The following CRIM1 variants were observed in gnomAD, a reference collection of about 807,000 sequenced individuals.
The protein encoded by CRIM1 is cysteine-rich motor neuron 1 protein.
In CRIM1, 32 loss-of-function variants were observed where a neutral mutation model predicts 116.4. The observed-to-expected ratio is 0.27, with a 90% CI of 0.21 to 0.37. CRIM1 has a LOEUF of 0.37. Among genes scored for constraint, CRIM1 ranks in the 10% least tolerant of loss-of-function variants. The probability of loss-of-function intolerance (pLI) is 1.00; values close to 1 mark genes in which losing one functional copy is unlikely to be tolerated. For missense variants in CRIM1, 1,331 were observed against 1,354.8 expected, an observed-to-expected ratio of 0.98 and a Z score of 0.28; for synonymous variants, 590 against 509.2, an observed-to-expected ratio of 1.16 and a Z score of -2.13.
At chr2:36,465,421 A>C (rs1677929708) in intron 5 of CRIM1, among the ~76,000 whole-genome samples, 1 of 152,244 alleles carries the variant, frequency 6.6e-6, no homozygotes, top group Non-Finnish European at 1.5e-5. Context: ...TCAGAGCATT[A>C]TTTAGTCAAT....
At chr2:36,504,046 T>C (rs1476820792) in intron 8 of CRIM1, among the ~76,000 whole-genome samples, 1 of 152,094 alleles carries the variant, frequency 6.6e-6, no homozygotes, top group Admixed American at 6.6e-5. Flanking sequence ...ATTTTTTTTG[T>C]ATTTTTTTGT....
At chr2:36,528,892 G>A (rs1665931251) in intron 13 of CRIM1, among the ~76,000 whole-genome samples, 1 of 152,134 alleles carries the variant, frequency 6.6e-6, no homozygotes, top group Non-Finnish European at 1.5e-5. Context: ...TATGCCCTAG[G>A]AAGCAACTGA....
chr2:36,390,872 C>T (rs1475327343), intron 1 of CRIM1, among the ~76,000 whole-genome samples: 4 of 150,890 alleles, frequency 2.7e-5, no homozygotes, highest in African/African-American at 9.8e-5. Flanking sequence ...TGCAGTGGTG[C>T]GATTTTGGCT....
intron 8 of CRIM1, among the ~76,000 whole-genome samples, chr2:36,507,576 C>A (rs1047141711): frequency 6.6e-6 from 1 of 152,186 alleles, no homozygotes; most frequent in Admixed American, 6.5e-5. Context: ...GCATAACATG[C>A]AGGAGAATGG....
At chr2:36,368,256 G>C (rs1418218343) in intron 1 of CRIM1, among the ~76,000 whole-genome samples, 1 of 152,246 alleles carries the variant, frequency 6.6e-6, no homozygotes, top group Non-Finnish European at 1.5e-5. Context: ...GATGATTCCT[G>C]CAGAGGGACA....
At chr2:36,485,241 C>T (rs1475872940) in intron 7 of CRIM1, among the ~76,000 whole-genome samples, 1 of 152,120 alleles carries the variant, frequency 6.6e-6, no homozygotes, top group Non-Finnish European at 1.5e-5. Flanking sequence ...TTCTTCCTGC[C>T]ACCTGGCTTT....
At chr2:36,470,452 C>G (rs1374486401) in intron 5 of CRIM1, among the ~76,000 whole-genome samples, 1 of 152,114 alleles carries the variant, frequency 6.6e-6, no homozygotes, top group East Asian at 1.9e-4. Flanking sequence ...AAAGAATAGG[C>G]TGATTCTTAT....
intron 5 of CRIM1, among the ~76,000 whole-genome samples, chr2:36,468,184 A>G (rs1678198670): frequency 6.6e-6 from 1 of 152,166 alleles, no homozygotes; most frequent in Non-Finnish European, 1.5e-5. Flanking sequence ...GAAATGGATT[A>G]TGCACTGCCG....
At chr2:36,411,228 A>T (rs1207837566) in intron 2 of CRIM1, among the ~76,000 whole-genome samples, 1 of 152,158 alleles carries the variant, frequency 6.6e-6, no homozygotes, top group African/African-American at 2.4e-5. Context: ...TTTTTCAAAT[A>T]CAATTATTAT....
At chr2:36,528,593 G>A (rs1331342437) in intron 13 of CRIM1, among the ~76,000 whole-genome samples, 1 of 152,182 alleles carries the variant, frequency 6.6e-6, no homozygotes, top group Non-Finnish European at 1.5e-5. Context: ...TCATCAGGGC[G>A]CACCCTCATA....
At chr2:36,463,816 C>G (rs1253741712) in intron 4 of CRIM1, among the ~76,000 whole-genome samples, 2 of 152,174 alleles carry the variant, frequency 1.3e-5, no homozygotes, top group African/African-American at 2.4e-5. Context: ...TTCATGCGTG[C>G]AGAGAGATCG....
chr2:36,440,954 C>T (rs565535868), intron 2 of CRIM1, among the ~76,000 whole-genome samples: 9 of 152,316 alleles, frequency 5.9e-5, no homozygotes, highest in African/African-American at 1.7e-4. Context: ...AGATTCTCCA[C>T]GCCATGGGTG....
At chr2:36,508,364 C>T (rs1330578626) in intron 8 of CRIM1, among the ~76,000 whole-genome samples, 1 of 152,142 alleles carries the variant, frequency 6.6e-6, no homozygotes, top group Non-Finnish European at 1.5e-5. Context: ...TTATGTAAAA[C>T]ACGGACCCAT....
chr2:36,358,475 T>C (rs1669003560), intron 1 of CRIM1, among the ~76,000 whole-genome samples: 1 of 152,204 alleles, frequency 6.6e-6, no homozygotes, highest in Non-Finnish European at 1.5e-5. Context: ...AGTCTGTTTC[T>C]GGTGAAGGAA....
chr2:36,547,195 T>G (rs1183428041), intron 16 of CRIM1, 24 bp downstream of exon 16: 1 of 1,574,334 alleles, frequency 6.4e-7, no homozygotes, highest in Non-Finnish European at 8.7e-7. Context: ...AAAGTTAGTC[T>G]CTTGAATGAT....
At chr2:36,447,596 G>A (rs1423832383) in intron 4 of CRIM1, among the ~76,000 whole-genome samples, 1 of 152,200 alleles carries the variant, frequency 6.6e-6, no homozygotes, top group Non-Finnish European at 1.5e-5. Context: ...AGAAGCAGGA[G>A]AGGAAGTTGC....
At chr2:36,400,507 T>A (rs4670554) in intron 2 of CRIM1, among the ~76,000 whole-genome samples, 111,261 of 151,988 alleles carry the variant, frequency 0.73, 41,783 homozygotes, top group East Asian at 0.99. Flanking sequence ...ACCTAATTGC[T>A]TATGCTTCAA....
At chr2:36,462,151 G>A (rs1677629349) in intron 4 of CRIM1, among the ~76,000 whole-genome samples, 1 of 152,164 alleles carries the variant, frequency 6.6e-6, no homozygotes, top group African/African-American at 2.4e-5. Flanking sequence ...TTAATAGGTG[G>A]TTGGGTGCAA....
At chr2:36,535,736 A>C (rs148659238) in intron 13 of CRIM1, among the ~76,000 whole-genome samples, 362 of 152,342 alleles carry the variant, frequency 2.4e-3, no homozygotes, top group African/African-American at 8.3e-3. Flanking sequence ...TATTAGTGCC[A>C]TTTATAAAGG....
Sources: gnomAD v4.1 joint callset for allele counts (sites outside exome capture counted in the v4.1 genomes callset) on GRCh38, gnomAD v4.1.1 for gene constraint, MANE v1.5 for transcripts, NCBI Gene and HGNC (gene_info 2026-07-23, HGNC 2026-07-21) for gene names.